The following PRDM12 variants were observed in gnomAD, a reference collection of about 807,000 sequenced individuals.
PRDM12 encodes PR domain zinc finger protein 12.
PRDM12 carries 17 observed loss-of-function variants against 29.6 expected under a neutral mutation model. The ratio of observed to expected loss-of-function variants is 0.57; its 90% CI spans 0.39 to 0.86. The LOEUF is 0.86. Among genes scored for constraint, PRDM12 ranks in the 40% least tolerant of loss-of-function variants. PRDM12 has a pLI of 0.00. For synonymous variants in PRDM12, 231 were observed against 225.8 expected (o/e 1.02, Z -0.21); for missense variants, 422 against 510.8 (o/e 0.83, Z 1.68).
chr9:130,679,155 A>C (rs1830870105), intron 4 of PRDM12, among the ~76,000 whole-genome samples: 1 of 152,148 alleles, frequency 6.6e-6, no homozygotes, highest in South Asian at 2.1e-4. Flanking sequence ...CTGTTGAAGG[A>C]AGGCAGGACA....
At chr9:130,676,480 C>T (rs1030542634) in intron 3 of PRDM12, among the ~76,000 whole-genome samples, 1 of 151,876 alleles carries the variant, frequency 6.6e-6, no homozygotes, top group Admixed American at 6.6e-5. Context: ...TGGGCGACAG[C>T]GCGAGACTCC....
Position 130,664,873 on chromosome 9 carries a change from G to A in PRDM12, c.220G>A (p.Gly74Ser), listed in dbSNP as rs537532695. 7.8e-6 allele frequency: 12 copies of A among 1,537,014 alleles called. No homozygotes were observed. The highest frequency in any genetic ancestry group is 4.8e-5 in the South Asian group (4 of 83,446). Residue 74 changes from glycine to serine, a missense_variant, in exon 1 of 5, where the codon GGC becomes AGC. Gly to Ser is a moderately conservative substitution (Grantham distance 56). Transcript: ENST00000253008. The surrounding 1 kb of genome is among the most constrained non-coding windows in gnomAD (Gnocchi z 6.4). ...CGAGGTGCTGGCGCAGTCCTTCTCC[G>A]GCGGTGAGTCCAGCCGTCGGAGCCC... is the stretch of plus-strand genomic sequence containing the variant. ...TAEVLAQSFS[G>S]EVQKLSSLVL...
At chr9:130,678,503 A>G (rs760163196) in intron 3 of PRDM12, 26 bp from the exon 4 acceptor site, 1 of 1,561,116 alleles carries the variant, frequency 6.4e-7, no homozygotes, top group East Asian at 2.3e-5. Flanking sequence ...GGCCTCCCTG[A>G]CCTCCTCTTG....
rs149935524 is a variant in PRDM12 at position 130,667,879 on chromosome 9, C to G, written c.415-279C>G. ...GTCTGGGCAGTGATCCCTTGGAGAC[C>G]CTCTTCTTCTGGGGGTAGGGAGGAC... On this transcript the variant is annotated intron_variant, in intron 2 of 4. Coordinates refer to ENST00000253008, the MANE Select transcript of PRDM12 (RefSeq NM_021619.3). Among the ~76,000 whole-genome samples the G allele has an allele frequency of 4.3e-3, 649 of 152,236 alleles. 5 individuals are homozygous for G. Among genetic ancestry groups the G allele is most frequent in the African/African-American group, 0.015 (627 of 41,548 alleles).
Position 130,668,924 on chromosome 9 carries a change from G to A in PRDM12, c.570+611G>A, listed in dbSNP as rs1333340906. ...TGACCAGAAAACCAGGTCTCCCTCG[G>A]TGGCAGCAGACTTGGGGGTTTTGCC... On this transcript the variant is annotated intron_variant, in intron 3 of 4. Coordinates refer to ENST00000253008, the MANE Select transcript of PRDM12 (RefSeq NM_021619.3). The surrounding 1 kb of genome is among the most constrained non-coding windows in gnomAD (Gnocchi z 4.0). Among the ~76,000 whole-genome samples, 3 of 152,178 alleles carry A rather than the reference G, an allele frequency of 2.0e-5. No homozygotes were observed. The highest frequency in any genetic ancestry group is 4.4e-5 in the Non-Finnish European group (3 of 68,028).
intron 3 of PRDM12, among the ~76,000 whole-genome samples, chr9:130,669,010 C>G (rs1041541457): frequency 6.6e-6 from 1 of 152,120 alleles, no homozygotes; most frequent in African/African-American, 2.4e-5. Context: ...TCAGAGGAGA[C>G]AGACAGGGCC....
At chr9:130,675,449 A>G (rs7864563) in intron 3 of PRDM12, among the ~76,000 whole-genome samples, 102,860 of 152,080 alleles carry the variant, frequency 0.68, 35,669 homozygotes, top group East Asian at 0.99. Context: ...GACACTGAAG[A>G]CAGAACCTCA....
At chr9:130,676,748 G>A (rs970349518) in intron 3 of PRDM12, among the ~76,000 whole-genome samples, 33 of 152,034 alleles carry the variant, frequency 2.2e-4, no homozygotes, top group Non-Finnish European at 2.8e-4. Flanking sequence ...TTGGCTTCTC[G>A]TCATTTACTA....
intron 3 of PRDM12, among the ~76,000 whole-genome samples, chr9:130,674,723 T>C (rs977508798): frequency 5.3e-5 from 8 of 152,066 alleles, no homozygotes; most frequent in Non-Finnish European, 1.2e-4. Flanking sequence ...TGACTGCTCA[T>C]TTCATACCAT....
Position 130,668,270 on chromosome 9 carries a change from A to G in PRDM12, c.527A>G (p.Glu176Gly). ...CGTAACGAACAGGAGCAGAACCTGGAGGTGGTCCAGATCGGCACCAGCATC... is the reference window on the plus strand; with the variant it reads ...CGTAACGAACAGGAGCAGAACCTGGGGGTGGTCCAGATCGGCACCAGCATC... The part of the protein sequence containing the change: ...CARNEQEQNL[E>G]VVQIGTSIFY... Residue 176 changes from glutamate (E) to glycine (G), a missense_variant, in exon 3 of 5, where the codon GAG (glutamate) becomes GGG (glycine). By Grantham distance (98) the Glu-to-Gly change is moderately conservative. This residue lies in a region of PRDM12 where 300 missense variants were observed against 350.0 expected (regional missense o/e 0.86). Coordinates refer to ENST00000253008, the MANE Select transcript of PRDM12 (RefSeq NM_021619.3). The surrounding 1 kb of genome is among the most constrained non-coding windows in gnomAD (Gnocchi z 4.0). 6.2e-7 allele frequency: 1 copy of G among 1,614,112 alleles called. No individual in the cohort carries two copies. Among genetic ancestry groups the G allele is most frequent in the South Asian group, 1.1e-5 (1 of 91,078 alleles).
intron 3 of PRDM12, among the ~76,000 whole-genome samples, chr9:130,674,625 T>C (rs1830824544): frequency 6.6e-6 from 1 of 151,972 alleles, no homozygotes; most frequent in African/African-American, 2.4e-5. Flanking sequence ...AAGTCAGCAT[T>C]TTAAAATAGT....
Position 130,678,609 on chromosome 9 carries a change from G to T in PRDM12, c.651G>T (p.Gly217=), listed in dbSNP as rs770404691. The T allele has an allele frequency of 1.2e-6, 2 of 1,612,686 alleles. No homozygotes were observed. Among genetic ancestry groups the T allele is most frequent in the Non-Finnish European group, 1.7e-6 (2 of 1,178,966 alleles). The part of the protein sequence containing the change: ...NTFLGIPGVP[G]LEEDQKKNKH... ...TCCTGGGGATCCCAGGTGTGCCCGG[G>T]CTAGAGGAGGACCAGAAAAAGAACA... The change falls in exon 4 of 5, where the codon GGG becomes GGT. Residue 217 remains glycine (G), a synonymous_variant. Coordinates refer to ENST00000253008, the MANE Select transcript of PRDM12 (RefSeq NM_021619.3).
At chr9:130,680,659 A>ATATTTTTTTTTTTTTTTTT in intron 4 of PRDM12, among the ~76,000 whole-genome samples, 1 of 72,200 alleles carries the variant, frequency 1.4e-5, no homozygotes. Context: ...ATATATATAT[A>ATATTTTTTTTTTTTTTTTT]TTTTTTTTTT....
chr9:130,669,533 A>G (rs1830768292), intron 3 of PRDM12, among the ~76,000 whole-genome samples: 1 of 146,892 alleles, frequency 6.8e-6, no homozygotes, highest in Non-Finnish European at 1.5e-5. Context: ...AAAAAAAAAA[A>G]GGCTTGGCAC....
chr9:130,677,820 G>A (rs960560456), intron 3 of PRDM12, among the ~76,000 whole-genome samples: 4 of 152,136 alleles, frequency 2.6e-5, no homozygotes, highest in Non-Finnish European at 1.5e-5. Context: ...CATGAGCCTG[G>A]GGCAGGTCCT....
rs1207164965 is a variant in PRDM12 at position 130,666,641 on chromosome 9, C to T, written c.257C>T (p.Ala86Val). 1.2e-6 allele frequency: 2 copies of T among 1,612,768 alleles called. No homozygotes were observed. Among genetic ancestry groups the T allele is most frequent in the Admixed American group, 1.7e-5 (1 of 59,936 alleles). Residue 86 changes from alanine to valine, a missense_variant, in exon 2 of 5, where the codon GCG (alanine) becomes GTG (valine). Ala to Val is a moderately conservative substitution (Grantham distance 64). Around this residue, in one of 5 missense-constraint regions of PRDM12, gnomAD observed 300 missense variants for 350.0 expected, o/e 0.86. Transcript: ENST00000253008. ...AAGCTGTCCAGCCTGGTGCTGCCTG[C>T]GGAGGTGATCATCGCTCAGAGCTCC... Reference protein sequence around the residue: ...VQKLSSLVLPAEVIIAQSSIP... With the variant: ...VQKLSSLVLPVEVIIAQSSIP...
At chr9:130,669,049 G>A (rs1395945035) in intron 3 of PRDM12, among the ~76,000 whole-genome samples, 1 of 152,194 alleles carries the variant, frequency 6.6e-6, no homozygotes, top group Non-Finnish European at 1.5e-5. Context: ...GGTGGCTTAT[G>A]CCTGTAATCC....
At chr9:130,679,068 G>C (rs1050098069) in intron 4 of PRDM12, among the ~76,000 whole-genome samples, 14 of 152,176 alleles carry the variant, frequency 9.2e-5, no homozygotes, top group African/African-American at 3.4e-4. Context: ...TTCTGGTTCT[G>C]ACAACCTGTA....
Position 130,681,891 on chromosome 9 carries a change from G to A in PRDM12, c.*222G>A. ...GTCCCTCACCCAGGCCACGCAGCTG[G>A]TGCGGCTGTTCGGCCGCCTCCTCTG... is the stretch of plus-strand genomic sequence containing the variant. On this transcript the variant is annotated 3_prime_UTR_variant, in exon 5 of 5. Transcript: ENST00000253008. The surrounding 1 kb of genome is among the most constrained non-coding windows in gnomAD (Gnocchi z 8.1). 1 of 282,406 alleles carries A rather than the reference G, an allele frequency of 3.5e-6. No homozygotes were observed. Among genetic ancestry groups the A allele is most frequent in the Non-Finnish European group, 5.3e-6 (1 of 187,412 alleles). 17.5% of individuals were successfully genotyped at this position (282,406 alleles called of 1,614,324 possible).
Sources: allele counts gnomAD v4.1 joint callset (sites outside exome capture counted in the v4.1 genomes callset), GRCh38; gene constraint gnomAD v4.1.1; regional missense constraint gnomAD v4.1.1; non-coding constraint Gnocchi (gnomAD v3.1); transcripts MANE v1.5; gene names NCBI Gene and HGNC (gene_info 2026-07-23, HGNC 2026-07-21).